PDE11A: variants seen among roughly 807,000 people sequenced by gnomAD.
PDE11A encodes dual 3',5'-cyclic-AMP and -GMP phosphodiesterase 11A.
PDE11A carries 100 observed loss-of-function variants against 100.5 expected under a neutral mutation model. The observed-to-expected ratio is 1.00, with a 90% confidence interval of 0.85 to 1.18. The LOEUF (loss-of-function observed/expected upper bound fraction) is 1.18, where lower values mean the gene tolerates loss of function less well. Among genes scored for constraint, PDE11A ranks in the 50% most tolerant of loss-of-function variants. PDE11A has a pLI of 0.00. For missense variants in PDE11A, 1,141 were observed against 1,152.6 expected (o/e 0.99, Z 0.15); for synonymous variants, 381 against 420.8 (o/e 0.91, Z 1.16).
intron 1 of PDE11A, among the ~76,000 whole-genome samples, chr2:178,026,556 G>T (rs1195315278): frequency 6.6e-6 from 1 of 151,730 alleles, no homozygotes; most frequent in African/African-American, 2.4e-5. Flanking sequence ...AGCTACTCAG[G>T]AGGCTGAGGC....
intron 10 of PDE11A, among the ~76,000 whole-genome samples, chr2:177,729,429 C>A (rs2081649996): frequency 6.6e-6 from 1 of 152,194 alleles, no homozygotes; most frequent in Non-Finnish European, 1.5e-5. Context: ...GGATGCCTTT[C>A]TCTCTTTCTT....
intron 14 of PDE11A, among the ~76,000 whole-genome samples, chr2:177,698,253 AG>A (rs1161616597): frequency 6.6e-6 from 1 of 152,198 alleles, no homozygotes; most frequent in Non-Finnish European, 1.5e-5. Flanking sequence ...ACCTAAGTAA[AG>A]TTAGGATGAC....
At chr2:178,033,443 C>T (rs148690288) in intron 1 of PDE11A, among the ~76,000 whole-genome samples, 54 of 152,196 alleles carry the variant, frequency 3.5e-4, no homozygotes, top group African/African-American at 1.3e-3. Flanking sequence ...CTGAAAGTGA[C>T]GGGGAGAATG....
chr2:177,890,387 C>T (rs1294277484), intron 4 of PDE11A, among the ~76,000 whole-genome samples: 1 of 152,190 alleles, frequency 6.6e-6, no homozygotes, highest in Non-Finnish European at 1.5e-5. Flanking sequence ...GGCACCTGCT[C>T]TTACTGTTTC....
upstream of PDE11A, chr2:178,073,110 C>A (rs986413574): frequency 9.2e-6 from 9 of 978,934 alleles, no homozygotes; most frequent in African/African-American, 1.4e-4. Flanking sequence ...CAGTGGGAGT[C>A]CGAGATACAA....
At chr2:178,039,927 G>C (rs2086663291) in intron 1 of PDE11A, among the ~76,000 whole-genome samples, 1 of 152,050 alleles carries the variant, frequency 6.6e-6, no homozygotes, top group Non-Finnish European at 1.5e-5. Context: ...GGAAAACAAA[G>C]ATAGGTGGCA....
chr2:177,788,661 AAG>A (rs1169959386), intron 9 of PDE11A, among the ~76,000 whole-genome samples: 1 of 152,168 alleles, frequency 6.6e-6, no homozygotes, highest in African/African-American at 2.4e-5. Flanking sequence ...TAAAGAAAAA[AAG>A]AGAGAAGAAT....
chr2:177,812,517 GA>G (rs771351872), intron 9 of PDE11A, among the ~76,000 whole-genome samples: 1 of 152,126 alleles, frequency 6.6e-6, no homozygotes, highest in Non-Finnish European at 1.5e-5. Context: ...AACATGTAAA[GA>G]AATATACTTG....
At chr2:177,700,776 C>T (rs1039235743) in intron 14 of PDE11A, among the ~76,000 whole-genome samples, 5 of 152,106 alleles carry the variant, frequency 3.3e-5, no homozygotes, top group Non-Finnish European at 5.9e-5. Flanking sequence ...AATGTTGGGC[C>T]GCTCATTATT....
At chr2:178,055,254 A>G (rs2086883658) in intron 1 of PDE11A, among the ~76,000 whole-genome samples, 1 of 149,888 alleles carries the variant, frequency 6.7e-6, no homozygotes, top group South Asian at 2.1e-4. Context: ...AGGACAGAAA[A>G]CCAAACATTG....
At chr2:177,742,102 G>T (rs1407188936) in intron 10 of PDE11A, among the ~76,000 whole-genome samples, 1 of 151,958 alleles carries the variant, frequency 6.6e-6, no homozygotes, top group African/African-American at 2.4e-5. Context: ...TTATCAGGCT[G>T]CACAGTCTGC....
chr2:178,037,483 A>C (rs2086628501), intron 1 of PDE11A, among the ~76,000 whole-genome samples: 1 of 152,218 alleles, frequency 6.6e-6, no homozygotes, highest in South Asian at 2.1e-4. Flanking sequence ...AGGATCTAGA[A>C]CCAGAAATAT....
intron 1 of PDE11A, among the ~76,000 whole-genome samples, chr2:178,045,810 G>C (rs537237220): frequency 6.6e-6 from 1 of 152,334 alleles, no homozygotes; most frequent in East Asian, 1.9e-4. Flanking sequence ...GTCAATGGAT[G>C]TGAATGGCTA....
chr2:177,944,809 C>T (rs551051825), intron 2 of PDE11A, among the ~76,000 whole-genome samples: 2 of 109,424 alleles, frequency 1.8e-5, no homozygotes, highest in Admixed American at 1.8e-4. Flanking sequence ...GAGCGCTCTC[C>T]CTCTCCCTCT....
At chr2:177,742,291 C>T (rs888279349) in intron 10 of PDE11A, among the ~76,000 whole-genome samples, 2 of 152,040 alleles carry the variant, frequency 1.3e-5, no homozygotes, top group African/African-American at 4.8e-5. Flanking sequence ...TTTCCCTTCT[C>T]GGGGAGCCCT....
At chr2:177,897,288 C>G (rs2084625726) in intron 4 of PDE11A, among the ~76,000 whole-genome samples, 1 of 152,196 alleles carries the variant, frequency 6.6e-6, no homozygotes, top group African/African-American at 2.4e-5. Flanking sequence ...TGTTGCTTAT[C>G]TACCCAGCAG....
intron 13 of PDE11A, among the ~76,000 whole-genome samples, chr2:177,706,862 C>A (rs1323940938): frequency 6.6e-6 from 1 of 150,860 alleles, no homozygotes; most frequent in Non-Finnish European, 1.5e-5. Context: ...CAGTCTTATA[C>A]AAGCAACCTG....
At chr2:178,004,978 C>G (rs1191701157) in intron 2 of PDE11A, among the ~76,000 whole-genome samples, 1 of 152,080 alleles carries the variant, frequency 6.6e-6, no homozygotes, top group African/African-American at 2.4e-5. Flanking sequence ...TAAGACAATA[C>G]TTTCTTGAAC....
At chr2:177,858,111 G>A (rs2083875440) in intron 5 of PDE11A, among the ~76,000 whole-genome samples, 1 of 152,044 alleles carries the variant, frequency 6.6e-6, no homozygotes, top group Admixed American at 6.6e-5. Flanking sequence ...ATGGATTAAA[G>A]ACTTACATGT....
Sources: gnomAD v4.1 joint callset for allele counts (sites outside exome capture counted in the v4.1 genomes callset) on GRCh38, gnomAD v4.1.1 for gene constraint, MANE v1.5 for transcripts, NCBI Gene and HGNC (gene_info 2026-07-23, HGNC 2026-07-21) for gene names.